Variants in RUNDC3B observed in about 807,000 individuals in gnomAD.
RUNDC3B encodes RUN domain-containing protein 3B.
In RUNDC3B, 33 loss-of-function variants were observed where a neutral mutation model predicts 58.4. That is an observed-to-expected ratio of 0.56 (90% CI 0.43 to 0.75). RUNDC3B has a LOEUF of 0.75. Ranked by LOEUF, RUNDC3B falls within the 30% of genes least tolerant of loss-of-function variation. The pLI, the probability that RUNDC3B is intolerant of heterozygous loss-of-function variation, is 0.00. For synonymous variants in RUNDC3B, 193 were observed against 195.2 expected (o/e 0.99, Z 0.10); for missense variants, 501 against 535.7 (o/e 0.94, Z 0.64).
At chr7:87,792,614 G>A (rs1254479006) in intron 8 of RUNDC3B, among the ~76,000 whole-genome samples, 1 of 151,934 alleles carries the variant, frequency 6.6e-6, no homozygotes, top group Non-Finnish European at 1.5e-5. Flanking sequence ...ATGACCAGTG[G>A]GTCAGGAAGT....
At chr7:87,641,785 G>T (rs1302266131) in intron 1 of RUNDC3B, among the ~76,000 whole-genome samples, 1 of 152,164 alleles carries the variant, frequency 6.6e-6, no homozygotes, top group Non-Finnish European at 1.5e-5. Flanking sequence ...ATGATTTATT[G>T]TCTGTTATCT....
chr7:87,705,455 A>T (rs1418691798), intron 3 of RUNDC3B, among the ~76,000 whole-genome samples: 1 of 152,150 alleles, frequency 6.6e-6, no homozygotes, highest in Admixed American at 6.5e-5. Context: ...AACAACAAAA[A>T]AAAACAATGA....
intron 3 of RUNDC3B, among the ~76,000 whole-genome samples, chr7:87,703,820 A>G (rs1829299931): frequency 9.1e-6 from 1 of 109,398 alleles, no homozygotes. Context: ...TTTTTGAACT[A>G]TAGATTTTTA....
intron 8 of RUNDC3B, among the ~76,000 whole-genome samples, chr7:87,783,541 C>T (rs1835050569): frequency 6.6e-6 from 1 of 152,068 alleles, no homozygotes; most frequent in Admixed American, 6.6e-5. Flanking sequence ...TGATCCTATC[C>T]TGGTGCTGTT....
intron 4 of RUNDC3B, among the ~76,000 whole-genome samples, chr7:87,731,934 C>A (rs905834089): frequency 2.0e-5 from 3 of 152,146 alleles, no homozygotes; most frequent in Non-Finnish European, 2.9e-5. Context: ...AGATGTTGCA[C>A]AGAATATTTT....
chr7:87,734,739 TA>T (rs1831819576), intron 4 of RUNDC3B, among the ~76,000 whole-genome samples: 1 of 152,152 alleles, frequency 6.6e-6, no homozygotes, highest in Non-Finnish European at 1.5e-5. Flanking sequence ...AGAATACCAA[TA>T]ATCTACAAGC....
intron 3 of RUNDC3B, chr7:87,709,585 A>G: frequency 1.1e-6 from 1 of 876,384 alleles, no homozygotes; most frequent in Non-Finnish European, 1.4e-6. Context: ...TTCTAGCCTG[A>G]CAGGTTTTAA....
intron 6 of RUNDC3B, among the ~76,000 whole-genome samples, chr7:87,758,900 C>T (rs1833526743): frequency 6.6e-6 from 1 of 152,054 alleles, no homozygotes; most frequent in Non-Finnish European, 1.5e-5. Flanking sequence ...TTAGTATAAC[C>T]ACTATGGAGA....
At chr7:87,729,124 T>G (rs1221964938) in intron 4 of RUNDC3B, among the ~76,000 whole-genome samples, 1 of 152,162 alleles carries the variant, frequency 6.6e-6, no homozygotes, top group Non-Finnish European at 1.5e-5. Context: ...TTTTACACCT[T>G]ACTATTTGAG....
At chr7:87,766,947 T>C (rs1489448683) in intron 6 of RUNDC3B, among the ~76,000 whole-genome samples, 1 of 152,156 alleles carries the variant, frequency 6.6e-6, no homozygotes. Flanking sequence ...TTTTTAATTT[T>C]TTTTCTTTTT....
At chr7:87,744,614 C>A (rs919193215) in intron 6 of RUNDC3B, among the ~76,000 whole-genome samples, 1 of 152,158 alleles carries the variant, frequency 6.6e-6, no homozygotes, top group Non-Finnish European at 1.5e-5. Context: ...ATTTGATTCT[C>A]CACTTGGTTG....
intron 2 of RUNDC3B, among the ~76,000 whole-genome samples, chr7:87,677,418 A>G (rs1020604581): frequency 6.6e-6 from 1 of 152,104 alleles, no homozygotes; most frequent in Admixed American, 6.6e-5. Flanking sequence ...TATGCAAGAC[A>G]CAGAAAGACA....
At chr7:87,660,966 A>G (rs995367259) in intron 2 of RUNDC3B, among the ~76,000 whole-genome samples, 1 of 152,016 alleles carries the variant, frequency 6.6e-6, no homozygotes, top group Non-Finnish European at 1.5e-5. Context: ...TTAAGGGCCT[A>G]GTTTATAGTT....
intron 2 of RUNDC3B, among the ~76,000 whole-genome samples, chr7:87,677,308 CA>C (rs1826470146): frequency 6.8e-6 from 1 of 146,978 alleles, no homozygotes; most frequent in Non-Finnish European, 1.5e-5. Flanking sequence ...CACACACACA[CA>C]CCACAATGGA....
At chr7:87,755,430 T>C (rs1394471610) in intron 6 of RUNDC3B, among the ~76,000 whole-genome samples, 2 of 152,032 alleles carry the variant, frequency 1.3e-5, no homozygotes, top group South Asian at 2.1e-4. Context: ...CTGGCAGAGA[T>C]AGAACAAAAA....
At chr7:87,698,988 A>G (rs374219912) in intron 2 of RUNDC3B, among the ~76,000 whole-genome samples, 5 of 152,280 alleles carry the variant, frequency 3.3e-5, no homozygotes, top group African/African-American at 9.6e-5. Context: ...TAAAAATTCA[A>G]ATGCTTACAT....
chr7:87,783,932 A>AT (rs1002152222), intron 8 of RUNDC3B, among the ~76,000 whole-genome samples: 22 of 150,054 alleles, frequency 1.5e-4, no homozygotes, highest in African/African-American at 5.1e-4. Context: ...TACCTTTGAG[A>AT]TTTTTTCTTT....
At position 87,726,598 on chromosome 7, in the gene RUNDC3B, C is replaced by T. The variant is rs539402244; in HGVS notation, c.459-13193C>T. Among the ~76,000 whole-genome samples the T allele has an allele frequency of 9.1e-4, 139 of 151,938 alleles. No individual in the cohort carries two copies. In the Middle Eastern group the frequency reaches 0.01, roughly 11 times the overall value. ...AGGCTCTTTTTTGATTCCATATGAA[C>T]TTTAAAGTAGTTTTTTCCAATTCTG... On this transcript the variant is annotated intron_variant, in intron 4 of 10. Transcript: ENST00000394654.
chr7:87,726,302 C>T (rs1339931610), intron 4 of RUNDC3B, among the ~76,000 whole-genome samples: 2 of 152,138 alleles, frequency 1.3e-5, no homozygotes, highest in African/African-American at 4.8e-5. Flanking sequence ...TTTCAGCTTT[C>T]TACATATGGC....
Sources: gnomAD v4.1 joint callset for allele counts (sites outside exome capture counted in the v4.1 genomes callset) on GRCh38, gnomAD v4.1.1 for gene constraint, MANE v1.5 for transcripts, NCBI Gene and HGNC (gene_info 2026-07-23, HGNC 2026-07-21) for gene names.